Variants in CDH11 observed in about 807,000 individuals in gnomAD.
The protein encoded by CDH11 is cadherin-11.
CDH11 carries 11 observed loss-of-function variants against 67.8 expected under a neutral mutation model. The observed-to-expected ratio is 0.16, with a 90% CI of 0.10 to 0.27. The LOEUF is 0.27. Ranked by LOEUF, CDH11 falls within the 10% of genes least tolerant of loss-of-function variation. CDH11 has a pLI of 1.00. For synonymous variants in CDH11, 419 were observed against 400.0 expected, an observed-to-expected ratio of 1.05 and a Z score of -0.57; for missense variants, 847 against 1,031.2, an observed-to-expected ratio of 0.82 and a Z score of 2.45.
intron 1 of CDH11, among the ~76,000 whole-genome samples, chr16:65,089,954 T>A (rs1401739256): frequency 1.3e-5 from 2 of 152,104 alleles, no homozygotes; most frequent in African/African-American, 4.8e-5. Context: ...ATACAAAAAA[T>A]TTAATCACTA....
At position 65,053,827 on chromosome 16, in the gene CDH11, C is replaced by T. The variant is rs2074098120; in HGVS notation, c.-196G>A. On this transcript the variant is annotated 5_prime_UTR_variant, in exon 2 of 13. Transcript: ENST00000268603. ...ACCTTCTTCACCCATTGGATACTTG[C>T]TGCCAATTTCTGTAACACACTCCAC... The T allele has an allele frequency of 4.4e-6, 2 of 456,006 alleles. No homozygotes were observed. The highest frequency in any genetic ancestry group is 8.8e-6 in the Non-Finnish European group (2 of 226,766). 28.2% of individuals were successfully genotyped at this position (456,006 alleles called of 1,614,324 possible).
At chr16:65,109,661 T>C (rs537207741) in intron 1 of CDH11, among the ~76,000 whole-genome samples, 3 of 152,312 alleles carry the variant, frequency 2.0e-5, no homozygotes, top group East Asian at 1.9e-4. Flanking sequence ...GATTTTTGCA[T>C]TGGCTCCTTG....
At chr16:65,077,335 G>C (rs1026180233) in intron 1 of CDH11, among the ~76,000 whole-genome samples, 1 of 152,206 alleles carries the variant, frequency 6.6e-6, no homozygotes, top group Non-Finnish European at 1.5e-5. Context: ...AGTGCTCTGA[G>C]CCTGGCATGA....
At chr16:65,012,798 A>T (rs2073209759) in intron 2 of CDH11, among the ~76,000 whole-genome samples, 1 of 152,182 alleles carries the variant, frequency 6.6e-6, no homozygotes, top group Non-Finnish European at 1.5e-5. Flanking sequence ...AGAGGAAAAA[A>T]GTTTGGTGAT....
intron 2 of CDH11, among the ~76,000 whole-genome samples, chr16:65,039,330 C>T (rs1381527810): frequency 6.6e-6 from 1 of 152,108 alleles, no homozygotes; most frequent in East Asian, 1.9e-4. Context: ...GCTACAGTAA[C>T]CAAAACAGCA....
At chr16:65,085,534 T>C (rs932630375) in intron 1 of CDH11, among the ~76,000 whole-genome samples, 1 of 152,244 alleles carries the variant, frequency 6.6e-6, no homozygotes, top group Admixed American at 6.5e-5. Context: ...ATTCCTCAAG[T>C]ACTTAACACG....
intron 2 of CDH11, among the ~76,000 whole-genome samples, chr16:65,006,544 A>T (rs746321943): frequency 1.3e-5 from 2 of 152,184 alleles, no homozygotes; most frequent in Non-Finnish European, 2.9e-5. Context: ...TCATGTGAAT[A>T]ATGAGGATGA....
intron 1 of CDH11, among the ~76,000 whole-genome samples, chr16:65,093,554 G>A (rs2074831445): frequency 6.6e-6 from 1 of 151,980 alleles, no homozygotes; most frequent in Non-Finnish European, 1.5e-5. Context: ...TTTTCGACAT[G>A]AATTTTGAAG....
At chr16:64,948,491 T>G in intron 12 of CDH11, 1 of 898,934 alleles carries the variant, frequency 1.1e-6, no homozygotes, top group East Asian at 2.4e-5. Context: ...TTCCAAGGTT[T>G]AAAAATGAGG....
chr16:65,032,419 G>A (rs2073661412), intron 2 of CDH11, among the ~76,000 whole-genome samples: 1 of 151,922 alleles, frequency 6.6e-6, no homozygotes, highest in Non-Finnish European at 1.5e-5. Context: ...GAGCCCAGGA[G>A]GCAAAGGTTG....
intron 2 of CDH11, chr16:65,006,735 C>A (rs1355882552): frequency 6.6e-6 from 1 of 152,124 alleles, no homozygotes; most frequent in Non-Finnish European, 1.5e-5. Context: ...TAGCTGTGTC[C>A]CCACCCAAAT....
At position 65,085,532 on chromosome 16, in the gene CDH11, A is replaced by G. The variant is rs748661781; in HGVS notation, c.-297-31604T>C. On this transcript the variant is annotated intron_variant, in intron 1 of 12. Coordinates refer to ENST00000268603, the MANE Select transcript of CDH11 (RefSeq NM_001797.4). ...TAATTATTCACACATCTATTCCTCAAGTACTTAACACGTGTCAAAATTAGT... is the reference window on the plus strand; with the variant it reads ...TAATTATTCACACATCTATTCCTCAGGTACTTAACACGTGTCAAAATTAGT... 3.2e-4 allele frequency among the ~76,000 whole-genome samples: 48 copies of G among 152,246 alleles called. 1 individual carries two copies. The highest frequency in any genetic ancestry group is 5.9e-5 in the Non-Finnish European group (4 of 68,052).
chr16:65,100,323 G>A (rs1195057605), intron 1 of CDH11, among the ~76,000 whole-genome samples: 2 of 150,638 alleles, frequency 1.3e-5, no homozygotes, highest in Non-Finnish European at 1.5e-5. Flanking sequence ...AAATGTAATA[G>A]GAGAAGAAGA....
intron 1 of CDH11, among the ~76,000 whole-genome samples, chr16:65,101,579 C>A (rs935923299): frequency 1.4e-4 from 22 of 152,018 alleles, no homozygotes; most frequent in Non-Finnish European, 2.2e-4. Flanking sequence ...TCCCTACTCA[C>A]CACTTTGTAG....
At chr16:65,122,304 G>C (rs1304091704), upstream of CDH11, 7 of 320,882 alleles carry the variant, frequency 2.2e-5, no homozygotes, top group African/African-American at 2.3e-5. Flanking sequence ...CCCTGGATTC[G>C]TGGCCGCCCC....
At position 65,115,719 on chromosome 16, in the gene CDH11, A is replaced by C. The variant is rs1022842319; in HGVS notation, c.-298+6161T>G. On this transcript the variant is annotated intron_variant, in intron 1 of 12. Coordinates refer to ENST00000268603, the MANE Select transcript of CDH11 (RefSeq NM_001797.4). Reference sequence around the variant, plus strand: ...TATAAGGCTACACCAAAAAAAAAAAAAACAAAAAAACAAAACCTCAGTAAT... The same window carrying C: ...TATAAGGCTACACCAAAAAAAAAAACAACAAAAAAACAAAACCTCAGTAAT... Among the ~76,000 whole-genome samples the C allele has an allele frequency of 2.6e-4, 36 of 140,152 alleles. No homozygotes were observed. The South Asian group carries it at 7.8e-3, about 31-fold the overall frequency. The allele number at this position is 140,152 out of a possible 152,430, so 91.9% of individuals were successfully genotyped here. A position where few individuals can be genotyped will look rare whatever the true frequency, so the allele number is the denominator to read the frequency against.
chr16:65,004,753 A>C lies in CDH11; in HGVS notation c.117T>G (p.His39Gln). ...GHLRPSFHGH[H>Q]EKGKEGQVLQ... ...GCACCTGCCCCTCCTTGCCCTTCTC[A>C]TGGTGCCCATGGAAGGAGGGCCGCA... is the stretch of plus-strand genomic sequence containing the variant. The change falls in exon 3 of 13, where the codon CAT becomes CAG. Residue 39 changes from histidine to glutamine, a missense_variant. By Grantham distance (24) the His-to-Gln change is conservative. Coordinates refer to ENST00000268603, the MANE Select transcript of CDH11 (RefSeq NM_001797.4). 2 of 1,613,204 alleles carry C rather than the reference A, an allele frequency of 1.2e-6. No homozygotes were observed. Among genetic ancestry groups the C allele is most frequent in the Non-Finnish European group, 1.7e-6 (2 of 1,179,744 alleles).
chr16:65,088,282 T>A (rs943360733), intron 1 of CDH11, among the ~76,000 whole-genome samples: 13 of 152,204 alleles, frequency 8.5e-5, no homozygotes, highest in African/African-American at 3.1e-4. Context: ...TTCTGTTGTT[T>A]ATAAATTTCC....
At chr16:64,997,545 T>C (rs2072806483) in intron 4 of CDH11, among the ~76,000 whole-genome samples, 2 of 152,072 alleles carry the variant, frequency 1.3e-5, no homozygotes, top group Admixed American at 6.6e-5. Flanking sequence ...TTCCTCTGTA[T>C]GGATTTATTT....
Sources: gnomAD v4.1 joint callset for allele counts (sites outside exome capture counted in the v4.1 genomes callset) on GRCh38, gnomAD v4.1.1 for gene constraint, MANE v1.5 for transcripts, NCBI Gene and HGNC (gene_info 2026-07-23, HGNC 2026-07-21) for gene names.